Variants in CCSER1 observed in about 807,000 individuals in gnomAD.
CCSER1 encodes serine-rich coiled-coil domain-containing protein 1.
In CCSER1, 41 loss-of-function variants were observed where a neutral mutation model predicts 82.0. The observed-to-expected ratio is 0.50, with a 90% CI of 0.39 to 0.65. CCSER1 has a LOEUF of 0.65. Among genes scored for constraint, CCSER1 ranks in the 30% least tolerant of loss-of-function variants. The probability of loss-of-function intolerance (pLI) is 0.00; values close to 1 mark genes in which losing one functional copy is unlikely to be tolerated. For missense variants in CCSER1, 1,119 were observed against 1,064.2 expected, an observed-to-expected ratio of 1.05 and a Z score of -0.72; for synonymous variants, 414 against 383.9, an observed-to-expected ratio of 1.08 and a Z score of -0.92.
intron 7 of CCSER1, among the ~76,000 whole-genome samples, chr4:90,745,695 T>G (rs1370711716): frequency 7.7e-6 from 1 of 130,056 alleles, no homozygotes; most frequent in African/African-American, 2.9e-5. Flanking sequence ...TTTTTTTTTT[T>G]TTTTTTTTTT....
chr4:90,457,049 G>A (rs748769620), intron 4 of CCSER1, among the ~76,000 whole-genome samples: 4 of 152,178 alleles, frequency 2.6e-5, no homozygotes, highest in East Asian at 1.9e-4. Flanking sequence ...GTGTGTAAGC[G>A]AGCGATCCCA....
chr4:91,601,263 T>C lies in CCSER1; in HGVS notation c.*2206T>C, dbSNP rs1374057943. 5 of 152,122 alleles carry C rather than the reference T, an allele frequency of 3.3e-5. No individual in the cohort carries two copies. Among genetic ancestry groups the C allele is most frequent in the Non-Finnish European group, 5.9e-5 (4 of 67,980 alleles). 9.4% of individuals were successfully genotyped at this position (152,122 alleles called of 1,614,324 possible). On this transcript the variant is annotated 3_prime_UTR_variant, in exon 11 of 11. Coordinates refer to ENST00000509176, the MANE Select transcript of CCSER1 (RefSeq NM_001145065.2). ...ACATTTTAAGAGATGTTTTAAACGC[T>C]AGTATTTTCTTGAAAAATCTTTTTT... is the stretch of plus-strand genomic sequence containing the variant.
At chr4:91,480,451 G>A (rs1355475507) in intron 10 of CCSER1, among the ~76,000 whole-genome samples, 1 of 152,092 alleles carries the variant, frequency 6.6e-6, no homozygotes, top group Non-Finnish European at 1.5e-5. Context: ...GGTGTGAGAT[G>A]GTATCTCATT....
At chr4:90,226,278 A>G (rs1743143444) in intron 1 of CCSER1, among the ~76,000 whole-genome samples, 2 of 152,246 alleles carry the variant, frequency 1.3e-5, no homozygotes, top group Non-Finnish European at 2.9e-5. Context: ...ATGTTAAGCC[A>G]TTAAATTTGG....
chr4:90,603,240 G>T (rs1784240538), intron 5 of CCSER1, among the ~76,000 whole-genome samples: 1 of 152,202 alleles, frequency 6.6e-6, no homozygotes, highest in Non-Finnish European at 1.5e-5. Flanking sequence ...TTTGCTATCA[G>T]GTTATCTGGA....
At chr4:90,820,155 G>A (rs202029609) in intron 8 of CCSER1, among the ~76,000 whole-genome samples, 300 of 152,224 alleles carry the variant, frequency 2.0e-3, no homozygotes, top group Non-Finnish European at 3.2e-3. Context: ...ATGGTGATAT[G>A]GAAAATTGGG....
intron 10 of CCSER1, among the ~76,000 whole-genome samples, chr4:91,148,007 G>T (rs1197186305): frequency 1.3e-5 from 2 of 151,908 alleles, no homozygotes; most frequent in African/African-American, 2.4e-5. Context: ...AAACAAAAAT[G>T]TATCTACCTA....
chr4:90,635,453 C>T (rs549613875), intron 6 of CCSER1, among the ~76,000 whole-genome samples: 1 of 151,634 alleles, frequency 6.6e-6, no homozygotes, highest in South Asian at 2.1e-4. Context: ...TTACAAACTT[C>T]TATATAACCC....
intron 4 of CCSER1, among the ~76,000 whole-genome samples, chr4:90,422,215 A>C (rs1280449529): frequency 2.6e-5 from 4 of 152,202 alleles, no homozygotes; most frequent in Non-Finnish European, 5.9e-5. Context: ...ACACAACAAC[A>C]CAAATAGAAG....
At chr4:91,224,180 G>A (rs974394261) in intron 10 of CCSER1, among the ~76,000 whole-genome samples, 1 of 151,860 alleles carries the variant, frequency 6.6e-6, no homozygotes, top group Non-Finnish European at 1.5e-5. Context: ...AAGCAAATTC[G>A]CTAAAGCATG....
At chr4:90,239,288 G>A (rs1188271611) in intron 1 of CCSER1, among the ~76,000 whole-genome samples, 3 of 152,054 alleles carry the variant, frequency 2.0e-5, no homozygotes, top group Non-Finnish European at 4.4e-5. Flanking sequence ...AATTTTGAAG[G>A]CTACAGTCAG....
chr4:91,518,143 G>A (rs1452463899), intron 10 of CCSER1, among the ~76,000 whole-genome samples: 1 of 152,166 alleles, frequency 6.6e-6, no homozygotes, highest in Non-Finnish European at 1.5e-5. Context: ...GCTCTGGGGT[G>A]ATCTTAGTCT....
intron 10 of CCSER1, among the ~76,000 whole-genome samples, chr4:91,491,663 A>G (rs1308398832): frequency 1.3e-5 from 2 of 152,120 alleles, no homozygotes; most frequent in Non-Finnish European, 2.9e-5. Context: ...GTTTCTTTAC[A>G]GTTATAGCTT....
At chr4:90,261,394 A>G (rs987026748) in intron 1 of CCSER1, among the ~76,000 whole-genome samples, 13 of 152,258 alleles carry the variant, frequency 8.5e-5, no homozygotes, top group East Asian at 5.8e-4. Flanking sequence ...TTGGCTGACA[A>G]TTGTTCTGTT....
intron 8 of CCSER1, among the ~76,000 whole-genome samples, chr4:90,906,721 T>C (rs1725530670): frequency 6.6e-6 from 1 of 152,092 alleles, no homozygotes; most frequent in Non-Finnish European, 1.5e-5. Flanking sequence ...ATCTTTATCA[T>C]ATATTCAAGA....
intron 5 of CCSER1, among the ~76,000 whole-genome samples, chr4:90,544,199 A>G (rs1439337504): frequency 6.6e-6 from 1 of 152,084 alleles, no homozygotes; most frequent in Non-Finnish European, 1.5e-5. Flanking sequence ...GAAAAACGTT[A>G]TCTTTATTAC....
At chr4:91,582,206 G>A (rs1763759258) in intron 10 of CCSER1, among the ~76,000 whole-genome samples, 1 of 151,466 alleles carries the variant, frequency 6.6e-6, no homozygotes, top group Admixed American at 6.6e-5. Context: ...GCTACATGTA[G>A]GCAAGAAGAA....
At chr4:90,190,411 A>G (rs1236693750) in intron 1 of CCSER1, among the ~76,000 whole-genome samples, 5 of 152,092 alleles carry the variant, frequency 3.3e-5, no homozygotes, top group African/African-American at 1.2e-4. Context: ...AAAACTGGTC[A>G]AGGTCAGAAT....
chr4:91,285,165 C>G (rs1743187525), intron 10 of CCSER1, among the ~76,000 whole-genome samples: 3 of 151,050 alleles, frequency 2.0e-5, no homozygotes, highest in African/African-American at 7.3e-5. Context: ...CTAATGTACA[C>G]TAAAGATATG....
Sources: allele counts gnomAD v4.1 joint callset (sites outside exome capture counted in the v4.1 genomes callset), GRCh38; gene constraint gnomAD v4.1.1; transcripts MANE v1.5; gene names NCBI Gene and HGNC (gene_info 2026-07-23, HGNC 2026-07-21).